The following PRDM2 variants were observed in gnomAD, a reference collection of about 807,000 sequenced individuals.
PRDM2 encodes the protein PR domain zinc finger protein 2.
In PRDM2, 30 loss-of-function variants were observed where a neutral mutation model predicts 130.0. That is an observed-to-expected ratio of 0.23 (90% confidence interval 0.17 to 0.31). The LOEUF (loss-of-function observed/expected upper bound fraction) is 0.31, where lower values mean the gene tolerates loss of function less well. Ranked by LOEUF, PRDM2 falls within the 10% of genes least tolerant of loss-of-function variation. PRDM2 has a pLI of 1.00. For missense variants in PRDM2, 2,011 were observed against 2,108.4 expected, an observed-to-expected ratio of 0.95 and a Z score of 0.90; for synonymous variants, 871 against 782.4, an observed-to-expected ratio of 1.11 and a Z score of -1.89.
intron 8 of PRDM2, among the ~76,000 whole-genome samples, chr1:13,794,304 CT>C (rs887931719): frequency 6.6e-6 from 1 of 152,142 alleles, no homozygotes; most frequent in African/African-American, 2.4e-5. Context: ...CTGTGCTTTA[CT>C]GTTCAAGACC....
At position 13,778,516 on chromosome 1, in the gene PRDM2, A is replaced by ACCCCTG. The variant is rs1465706259; in HGVS notation, c.730_735dup (p.Pro244_Ala245dup). 3.1e-6 allele frequency: 5 copies of ACCCCTG among 1,614,052 alleles called. No homozygotes were observed. Among genetic ancestry groups the ACCCCTG allele is most frequent in the Non-Finnish European group, 4.2e-6 (5 of 1,180,026 alleles). On this transcript the variant is annotated inframe_insertion, in exon 8 of 10. Coordinates refer to ENST00000311066, the MANE Select transcript of PRDM2 (RefSeq NM_001393986.1). ...TCAGGAGGTGCCTCCAGAACTAGCA[A>ACCCCTG]CCCCTGCCCCTGCCTGGGAGCCACA...
intron 5 of PRDM2, 125 bp from the exon 6 acceptor site, chr1:13,749,236 C>A: frequency 1.1e-6 from 1 of 923,572 alleles, no homozygotes; most frequent in Non-Finnish European, 1.3e-6. Context: ...CGGCCGGGTG[C>A]GCGCGGCGCC....
intron 8 of PRDM2, among the ~76,000 whole-genome samples, chr1:13,805,254 T>C (rs1273100918): frequency 2.0e-5 from 3 of 152,184 alleles, no homozygotes; most frequent in Non-Finnish European, 4.4e-5. Context: ...AAGACTTCTA[T>C]GGCTCAGCGA....
chr1:13,701,054 G>A (rs773898135), intron 1 of PRDM2, among the ~76,000 whole-genome samples: 1 of 152,138 alleles, frequency 6.6e-6, no homozygotes, highest in Non-Finnish European at 1.5e-5. Flanking sequence ...CCGACCCTCC[G>A]GGCTTGTAGC....
At chr1:13,752,960 G>T (rs1489374489) in intron 6 of PRDM2, among the ~76,000 whole-genome samples, 1 of 152,202 alleles carries the variant, frequency 6.6e-6, no homozygotes, top group Non-Finnish European at 1.5e-5. Flanking sequence ...CTTGGGAACT[G>T]TAAGTACCAC....
intron 4 of PRDM2, among the ~76,000 whole-genome samples, chr1:13,736,255 G>A (rs971069388): frequency 6.6e-6 from 1 of 151,672 alleles, no homozygotes. Flanking sequence ...ACAGGCCTGT[G>A]CCACTATGCC....
At chr1:13,703,949 A>G (rs912303757) in intron 1 of PRDM2, among the ~76,000 whole-genome samples, 3 of 152,234 alleles carry the variant, frequency 2.0e-5, no homozygotes, top group Non-Finnish European at 4.4e-5. Flanking sequence ...CTTTAACTTA[A>G]TACATTATAA....
rs1643081470 is a variant in PRDM2 at position 13,730,916 on chromosome 1, T to C, written c.10-84T>C. ...GGTTTCGGTTACATTTTTGCATACT[T>C]GCTTATTGAACCAGAAAAAAAAAAA... On this transcript the variant is annotated intron_variant, in intron 2 of 9. Coordinates refer to ENST00000311066, the MANE Select transcript of PRDM2 (RefSeq NM_001393986.1). The C allele has an allele frequency of 9.0e-6, 9 of 997,878 alleles. No individual in the cohort carries two copies. The South Asian group carries it at 1.4e-4, about 15-fold the overall frequency. 61.8% of individuals were successfully genotyped at this position (997,878 alleles called of 1,614,324 possible). A position where few individuals can be genotyped will look rare whatever the true frequency, so the allele number is the denominator to read the frequency against.
chr1:13,771,537 C>G lies in PRDM2; in HGVS notation c.512-1541C>G, dbSNP rs1644360251. 6.6e-6 allele frequency among the ~76,000 whole-genome samples: 1 copy of G among 152,214 alleles called. No homozygotes were observed. The highest frequency in any genetic ancestry group is 1.5e-5 in the Non-Finnish European group (1 of 68,042). The stretch of plus-strand genomic sequence containing the variant: ...ATGAGGTCAGGAGATCGAGACCATC[C>G]TGGCTAAGATGGTGAAACCCCGTCT... On this transcript the variant is annotated intron_variant, in intron 6 of 9. Transcript: ENST00000311066. This position sits in a 1 kb window ranked among gnomAD's most constrained non-coding sequence, Gnocchi z 4.1.
chr1:13,817,766 G>A (rs1405371401), intron 9 of PRDM2, among the ~76,000 whole-genome samples: 1 of 152,064 alleles, frequency 6.6e-6, no homozygotes, highest in Non-Finnish European at 1.5e-5. Context: ...TTGGGAGGCC[G>A]AGGCAGGTGG....
intron 3 of PRDM2, among the ~76,000 whole-genome samples, chr1:13,731,319 C>G (rs1643099997): frequency 6.6e-6 from 1 of 151,968 alleles, no homozygotes; most frequent in South Asian, 2.1e-4. Flanking sequence ...CAGGAACACA[C>G]AAACAGACAC....
intron 8 of PRDM2, chr1:13,783,219 C>T (rs751536523): frequency 3.9e-6 from 2 of 509,616 alleles, no homozygotes; most frequent in African/African-American, 1.9e-5. Flanking sequence ...TAAGACGGGT[C>T]ACTAAGTTCA....
intron 7 of PRDM2, among the ~76,000 whole-genome samples, chr1:13,776,779 T>C (rs895981426): frequency 6.6e-6 from 1 of 152,146 alleles, no homozygotes; most frequent in Non-Finnish European, 1.5e-5. Context: ...CACCACTCTC[T>C]TGGTTCTCTG....
intron 2 of PRDM2, among the ~76,000 whole-genome samples, chr1:13,721,327 CT>C (rs1642722629): frequency 6.6e-6 from 1 of 151,982 alleles, no homozygotes; most frequent in African/African-American, 2.4e-5. Flanking sequence ...ATCTCTCCCC[CT>C]TTTTTCTAAT....
intron 6 of PRDM2, among the ~76,000 whole-genome samples, chr1:13,760,174 T>TA (rs1454600941): frequency 2.6e-5 from 4 of 152,192 alleles, no homozygotes; most frequent in Non-Finnish European, 1.5e-5. Flanking sequence ...GAAAAAGTGA[T>TA]ACTTACTCAA....
At chr1:13,755,437 G>C (rs1643925281) in intron 6 of PRDM2, among the ~76,000 whole-genome samples, 1 of 152,082 alleles carries the variant, frequency 6.6e-6, no homozygotes, top group South Asian at 2.1e-4. Context: ...TAAATTGGAA[G>C]GTAAGACTTG....
rs531274504 is a variant in PRDM2, at chr1:13,808,135, T to G, written c.5037-8292T>G. Among the ~76,000 whole-genome samples, 9 of 152,314 alleles carry G rather than the reference T, an allele frequency of 5.9e-5. No individual in the cohort carries two copies. In the South Asian group the frequency reaches 8.3e-4, roughly 14 times the overall value. Reference sequence around the variant, plus strand: ...CCCAACCCTGCTACTATGTTTAAAATGTTCAACCACTGTGTATGAAAATCT... The same window carrying G: ...CCCAACCCTGCTACTATGTTTAAAAGGTTCAACCACTGTGTATGAAAATCT... On this transcript the variant is annotated intron_variant, in intron 8 of 9. Coordinates refer to ENST00000311066, the MANE Select transcript of PRDM2 (RefSeq NM_001393986.1).
intron 7 of PRDM2, 47 bp downstream of exon 7, chr1:13,773,235 C>T (rs751748884): frequency 1.8e-6 from 2 of 1,130,198 alleles, no homozygotes; most frequent in African/African-American, 1.6e-5. Flanking sequence ...TGTATGTACC[C>T]AGTGAATTTA....
chr1:13,753,286 A>G (rs1457420156), intron 6 of PRDM2, among the ~76,000 whole-genome samples: 28 of 152,258 alleles, frequency 1.8e-4, no homozygotes. Flanking sequence ...GTAATGAATT[A>G]TAAAGAACAA....
Sources: allele counts gnomAD v4.1 joint callset (sites outside exome capture counted in the v4.1 genomes callset), GRCh38; gene constraint gnomAD v4.1.1; non-coding constraint Gnocchi (gnomAD v3.1); transcripts MANE v1.5; gene names NCBI Gene and HGNC (gene_info 2026-07-23, HGNC 2026-07-21).